The following FNDC3B variants were observed in gnomAD, a reference collection of about 807,000 sequenced individuals.
The protein encoded by FNDC3B is fibronectin type III domain containing 3B.
Under a neutral mutation model 151.5 loss-of-function variants are expected in FNDC3B, and 12 were observed. That is an observed-to-expected ratio of 0.08 (90% confidence interval 0.05 to 0.13). The LOEUF is 0.13. Among genes scored for constraint, FNDC3B ranks in the 10% least tolerant of loss-of-function variants. FNDC3B has a pLI of 1.00. For missense variants in FNDC3B, 1,214 were observed against 1,505.3 expected (o/e 0.81, Z 3.20); for synonymous variants, 528 against 549.0 (o/e 0.96, Z 0.54).
chr3:172,380,796 C>T (rs1474871780), intron 24 of FNDC3B, among the ~76,000 whole-genome samples, 170 bp from the exon 25 acceptor site: 2 of 152,190 alleles, frequency 1.3e-5, no homozygotes, highest in Non-Finnish European at 2.9e-5. Flanking sequence ...TTCTCTGTGC[C>T]TAAAGGGCAC....
At chr3:172,167,645 C>T (rs1723071624) in intron 3 of FNDC3B, among the ~76,000 whole-genome samples, 1 of 152,148 alleles carries the variant, frequency 6.6e-6, no homozygotes, top group Non-Finnish European at 1.5e-5. Flanking sequence ...AAGCCCTGGG[C>T]CATGGATGGT....
At chr3:172,284,298 T>C (rs1266538085) in intron 6 of FNDC3B, among the ~76,000 whole-genome samples, 1 of 152,096 alleles carries the variant, frequency 6.6e-6, no homozygotes, top group Non-Finnish European at 1.5e-5. Context: ...AAAAGCAAAA[T>C]ATGCAAGAGA....
intron 3 of FNDC3B, among the ~76,000 whole-genome samples, chr3:172,135,671 C>G (rs560676318): frequency 6.6e-6 from 1 of 152,082 alleles, no homozygotes. Context: ...AGGTGCTTTA[C>G]TAGGGTTTCG....
In FNDC3B at chr3:172,323,203, AATTT is replaced by A. The variant is rs1732178020; in HGVS notation, c.1255-5746_1255-5743del. Among the ~76,000 whole-genome samples the A allele has an allele frequency of 2.0e-5, 3 of 152,158 alleles. No individual in the cohort carries two copies. The South Asian group carries it at 6.2e-4, about 32-fold the overall frequency. ...AATATTCAAAATATTTTATATTTAT[AATTT>A]ATCTCCAAATTTCATTTTGGAGAAT... On this transcript the variant is annotated intron_variant, in intron 11 of 25. Transcript: ENST00000415807.
chr3:172,168,427 C>A (rs934627219), intron 3 of FNDC3B, among the ~76,000 whole-genome samples: 2 of 152,156 alleles, frequency 1.3e-5, no homozygotes, highest in East Asian at 3.8e-4. Context: ...CACCTTTGCC[C>A]TAGTAGGATG....
At chr3:172,266,695 C>T (rs1236097197) in intron 6 of FNDC3B, among the ~76,000 whole-genome samples, 1 of 152,162 alleles carries the variant, frequency 6.6e-6, no homozygotes, top group African/African-American at 2.4e-5. Flanking sequence ...GCTTCAAGAC[C>T]AGCATCTTCA....
At chr3:172,280,682 A>G (rs536367546) in intron 6 of FNDC3B, among the ~76,000 whole-genome samples, 8 of 152,216 alleles carry the variant, frequency 5.3e-5, no homozygotes, top group Admixed American at 6.5e-5. Context: ...GTGTAGCTCT[A>G]TTTCTTTTCT....
intron 3 of FNDC3B, among the ~76,000 whole-genome samples, chr3:172,176,033 T>TAAAATATTGGTTAGAGCA (rs1723576947): frequency 6.6e-6 from 1 of 152,238 alleles, no homozygotes; most frequent in Non-Finnish European, 1.5e-5. Flanking sequence ...CCCACTTGGC[T>TAAAATATTGGTTAGAGCA]AAAATATTGG....
rs375067322 is a variant in FNDC3B, at chr3:172,361,449, C to G, written c.2796-1184C>G. ...TATTTTGCCAGATACCCTAAGTTAT[C>G]ACTCTTAAGTTCAGCCTTCCACAAA... On this transcript the variant is annotated intron_variant, in intron 22 of 25. Transcript: ENST00000415807. Among the ~76,000 whole-genome samples, 15 of 152,322 alleles carry G rather than the reference C, an allele frequency of 9.8e-5. No homozygotes were observed. The East Asian group carries it at 2.7e-3, about 27-fold the overall frequency.
intron 3 of FNDC3B, among the ~76,000 whole-genome samples, chr3:172,182,191 G>GAA (rs941962586): frequency 3.3e-5 from 5 of 152,210 alleles, no homozygotes; most frequent in Admixed American, 3.3e-4. Context: ...AGCAGGATGA[G>GAA]AAGCAGCAAG....
chr3:172,113,194 C>G lies in FNDC3B; in HGVS notation c.111+604C>G, dbSNP rs375990921. On this transcript the variant is annotated intron_variant, in intron 2 of 25. Transcript: ENST00000415807. ...ATTATTAGGGATTGAACTATTATCT[C>G]TAACATTAATTAAAAATTTTTATTG... Among the ~76,000 whole-genome samples, 3 of 152,274 alleles carry G rather than the reference C, an allele frequency of 2.0e-5. 1 individual carries two copies. The highest frequency in any genetic ancestry group is 4.8e-5 in the African/African-American group (2 of 41,552).
chr3:172,203,586 C>T (rs567328651), intron 3 of FNDC3B, among the ~76,000 whole-genome samples: 1 of 152,306 alleles, frequency 6.6e-6, no homozygotes, highest in South Asian at 2.1e-4. Flanking sequence ...AGGAGGTTTG[C>T]CCTTTGATTT....
intron 1 of FNDC3B, among the ~76,000 whole-genome samples, chr3:172,098,925 T>A (rs1375440911): frequency 6.6e-6 from 1 of 152,144 alleles, no homozygotes; most frequent in Non-Finnish European, 1.5e-5. Context: ...AGTCCTCGGT[T>A]GAATGGGAGG....
chr3:172,330,792 T>A, intron 13 of FNDC3B, 77 bp downstream of exon 13: 1 of 1,147,334 alleles, frequency 8.7e-7, no homozygotes, highest in Non-Finnish European at 1.2e-6. Flanking sequence ...ACCATGAAAT[T>A]AGATTAACTG....
At chr3:172,255,394 G>A (rs182001586) in intron 6 of FNDC3B, among the ~76,000 whole-genome samples, 233 of 152,060 alleles carry the variant, frequency 1.5e-3, no homozygotes, top group African/African-American at 5.5e-3. Flanking sequence ...TCAGCCTCCC[G>A]AGTAGCTAGG....
chr3:172,232,909 T>C (rs1726960877), intron 4 of FNDC3B, among the ~76,000 whole-genome samples: 1 of 152,224 alleles, frequency 6.6e-6, no homozygotes, highest in Non-Finnish European at 1.5e-5. Flanking sequence ...GGTGTGGCAC[T>C]CAGTAAGTAG....
chr3:172,122,862 T>A (rs565711591), intron 2 of FNDC3B, among the ~76,000 whole-genome samples: 1 of 152,216 alleles, frequency 6.6e-6, no homozygotes, highest in African/African-American at 2.4e-5. Flanking sequence ...GAGGTAATTG[T>A]GGTCTAGTTT....
At chr3:172,216,761 G>A (rs558229109) in intron 3 of FNDC3B, among the ~76,000 whole-genome samples, 75 of 152,320 alleles carry the variant, frequency 4.9e-4, no homozygotes, top group African/African-American at 1.7e-3. Flanking sequence ...CTGGGGCAAG[G>A]TGATAAAGTT....
intron 1 of FNDC3B, among the ~76,000 whole-genome samples, chr3:172,060,361 G>T (rs1397537653): frequency 6.6e-6 from 1 of 152,008 alleles, no homozygotes. Flanking sequence ...TGGGCAGAGG[G>T]TAAGACACAT....
Sources: gnomAD v4.1 joint callset for allele counts (sites outside exome capture counted in the v4.1 genomes callset) on GRCh38, gnomAD v4.1.1 for gene constraint, MANE v1.5 for transcripts, NCBI Gene and HGNC (gene_info 2026-07-23, HGNC 2026-07-21) for gene names.